The following ZNF154 variants were observed in gnomAD, a reference collection of about 807,000 sequenced individuals.
ZNF154 encodes the protein zinc finger protein 154 (pHZ-92).
Under a neutral mutation model 7.5 loss-of-function variants are expected in ZNF154, and 6 were observed. The observed-to-expected ratio is 0.80, with a 90% CI of 0.44 to 1.57. The LOEUF (loss-of-function observed/expected upper bound fraction) is 1.57, where lower values mean the gene tolerates loss of function less well. ZNF154 is among the 40% of genes most tolerant of loss of function. The pLI, the probability that ZNF154 is intolerant of heterozygous loss-of-function variation, is 0.01. For missense variants in ZNF154, 485 were observed against 531.4 expected (o/e 0.91, Z 0.86); for synonymous variants, 187 against 185.9 (o/e 1.01, Z -0.05).
chr19:57,699,635 C>A lies in ZNF154; in HGVS notation c.*2000G>T. On this transcript the variant is annotated 3_prime_UTR_variant, in exon 3 of 3. Coordinates refer to ENST00000684351, the MANE Select transcript of ZNF154 (RefSeq NM_001085384.3). ...GAGAAGTTGCCTAAGAACTCAATGT[C>A]AACCATTCCACGGCTGTTCAGCATT... 5.7e-6 allele frequency: 1 copy of A among 176,416 alleles called. No individual in the cohort carries two copies. Among genetic ancestry groups the A allele is most frequent in the South Asian group, 1.2e-4 (1 of 8,260 alleles). 10.9% of individuals were successfully genotyped at this position (176,416 alleles called of 1,614,324 possible).
At chr19:57,707,112 TC>T (rs1985424579) in intron 1 of ZNF154, among the ~76,000 whole-genome samples, 1 of 66,554 alleles carries the variant, frequency 1.5e-5, no homozygotes, top group African/African-American at 9.3e-5. Context: ...ACACTCCATC[TC>T]AAAAAAAAAA....
chr19:57,708,794 C>T (rs984056191), intron 1 of ZNF154, 145 bp downstream of exon 1: 18 of 1,078,662 alleles, frequency 1.7e-5, no homozygotes, highest in Admixed American at 1.6e-4. Context: ...CCTCGTCACA[C>T]GCAGTGTCAA....
chr19:57,708,938 C>G lies in ZNF154; in HGVS notation c.33+1G>C. 4 of 1,561,098 alleles carry G rather than the reference C, an allele frequency of 2.6e-6. No individual in the cohort carries two copies. The highest frequency in any genetic ancestry group is 3.5e-6 in the Non-Finnish European group (4 of 1,153,146). On this transcript the variant is annotated splice_donor_variant, in intron 1 of 2. Coordinates refer to ENST00000684351, the MANE Select transcript of ZNF154 (RefSeq NM_001085384.3). LOFTEE classifies it high-confidence loss of function. ...TGAGGACGGGAAGACGCCGCACTCA[C>G]CTGAGTTGGCGTCCTCAGAGTGGCC...
rs1342960265 is a variant in ZNF154 at position 57,701,727 on chromosome 19, T to C, written c.1222A>G (p.Thr408Ala). ...SGLIKHRRVH[T>A]GEKPYECTEC... ...GTGCACTCATAAGGCTTCTCCCCAGTGTGAACCCTCCTGTGCTTAATGAGG... is the reference window on the plus strand; with the variant it reads ...GTGCACTCATAAGGCTTCTCCCCAGCGTGAACCCTCCTGTGCTTAATGAGG... The change falls in exon 3 of 3, where the codon ACT becomes GCT. Residue 408 changes from threonine (T) to alanine (A), a missense_variant. Coordinates refer to ENST00000684351, the MANE Select transcript of ZNF154 (RefSeq NM_001085384.3). 6.8e-6 allele frequency: 11 copies of C among 1,614,060 alleles called. No homozygotes were observed. Among genetic ancestry groups the C allele is most frequent in the Non-Finnish European group, 9.3e-6 (11 of 1,180,016 alleles).
At chr19:57,706,169 A>G (rs1164114068) in intron 1 of ZNF154, among the ~76,000 whole-genome samples, 1 of 152,200 alleles carries the variant, frequency 6.6e-6, no homozygotes, top group African/African-American at 2.4e-5. Context: ...CACAGCGTCC[A>G]GAGTATGCTC....
In ZNF154 at chr19:57,701,663, A is replaced by G; in HGVS notation, c.1286T>C (p.Ile429Thr). 1.2e-6 allele frequency: 2 copies of G among 1,612,848 alleles called. No individual in the cohort carries two copies. Among genetic ancestry groups the G allele is most frequent in the East Asian group, 2.2e-5 (1 of 44,842 alleles). Residue 429 changes from isoleucine (I) to threonine (T), a missense_variant, in exon 3 of 3, where the codon ATT (isoleucine) becomes ACT (threonine). Coordinates refer to ENST00000684351, the MANE Select transcript of ZNF154 (RefSeq NM_001085384.3). ...TCGACTATGAATTCTCTGATGTTTAATAAGGCTGGAGTTATGGCTAAAGGA... is the reference window on the plus strand; with the variant it reads ...TCGACTATGAATTCTCTGATGTTTAGTAAGGCTGGAGTTATGGCTAAAGGA... ...GKSFSHNSSL[I>T]KHQRIHSR is the part of the protein sequence containing the mutation.
In ZNF154 at chr19:57,701,653, C is replaced by T; in HGVS notation, c.1296G>A (p.Gln432=). 1 of 1,612,422 alleles carries T rather than the reference C, an allele frequency of 6.2e-7. No homozygotes were observed. Among genetic ancestry groups the T allele is most frequent in the Non-Finnish European group, 8.5e-7 (1 of 1,178,534 alleles). The stretch of plus-strand genomic sequence containing the variant: ...AAGGCTTTTATCGACTATGAATTCT[C>T]TGATGTTTAATAAGGCTGGAGTTAT... ...FSHNSSLIKH[Q]RIHSR The change falls in exon 3 of 3, where the codon CAG becomes CAA. Residue 432 remains glutamine (Q), a synonymous_variant. Coordinates refer to ENST00000684351, the MANE Select transcript of ZNF154 (RefSeq NM_001085384.3).
chr19:57,702,039 T>C lies in ZNF154; in HGVS notation c.910A>G (p.Ser304Gly). 1 of 1,614,034 alleles carries C rather than the reference T, an allele frequency of 6.2e-7. No homozygotes were observed. The highest frequency in any genetic ancestry group is 1.1e-5 in the South Asian group (1 of 91,072). ...TGGCTAAATGACTTCCCACATTCGCTGCACTCATAAGGCCTGGATCCACTG... is the reference window on the plus strand; with the variant it reads ...TGGCTAAATGACTTCCCACATTCGCCGCACTCATAAGGCCTGGATCCACTG... The part of the protein sequence containing the change: ...VHSGSRPYEC[S>G]ECGKSFSQNS... The change falls in exon 3 of 3, where the codon AGC becomes GGC. Residue 304 changes from serine to glycine, a missense_variant. Ser to Gly is a moderately conservative substitution (Grantham distance 56). Transcript: ENST00000684351.
Position 57,709,118 on chromosome 19 carries a change from T to TC in ZNF154, c.-148dup. On this transcript the variant is annotated 5_prime_UTR_variant, in exon 1 of 3. Coordinates refer to ENST00000684351, the MANE Select transcript of ZNF154 (RefSeq NM_001085384.3). Reference sequence around the variant, plus strand: ...GCTTTCGTGCAGGAGGGACGACGACTCCCCTCACGCCTTCGTGGCCCCAAC... The same window carrying TC: ...GCTTTCGTGCAGGAGGGACGACGACTCCCCCTCACGCCTTCGTGGCCCCAAC... The TC allele has an allele frequency of 9.4e-7, 1 of 1,064,754 alleles. No individual in the cohort carries two copies. The highest frequency in any genetic ancestry group is 1.4e-6 in the Non-Finnish European group (1 of 725,664). The allele number at this position is 1,064,754 out of a possible 1,614,324, so 66.0% of individuals were successfully genotyped here. A position where few individuals can be genotyped will look rare whatever the true frequency, so the allele number is the denominator to read the frequency against.
chr19:57,703,223 C>A (rs1220562529), intron 2 of ZNF154, among the ~76,000 whole-genome samples: 1 of 109,698 alleles, frequency 9.1e-6, no homozygotes, highest in Non-Finnish European at 1.9e-5. Flanking sequence ...TGCGGTGGCT[C>A]ACATCTGTAA....
At chr19:57,706,247 A>G (rs192563475) in intron 1 of ZNF154, among the ~76,000 whole-genome samples, 92 of 152,260 alleles carry the variant, frequency 6.0e-4, no homozygotes, top group Non-Finnish European at 5.7e-4. Flanking sequence ...AGCAGCCCCA[A>G]ATCCTATGAG....
rs761297822 is a variant in ZNF154 at position 57,702,234 on chromosome 19, G to A, written c.715C>T (p.His239Tyr). ...CACTCATATGGCCTTTCCCCAGTGT[G>A]AACTCTCCGATGTTTAATGAGGTTA... ...KSNLIKHRRVHTGERPYECSE... is the reference protein window; with the variant it reads ...KSNLIKHRRVYTGERPYECSE... The change falls in exon 3 of 3, where the codon CAC becomes TAC. Residue 239 changes from histidine (H) to tyrosine (Y), a missense_variant. His to Tyr is a moderately conservative substitution (Grantham distance 83). Transcript: ENST00000684351. 3.1e-6 allele frequency: 5 copies of A among 1,614,106 alleles called. No homozygotes were observed. In the East Asian group the frequency reaches 1.1e-4, roughly 36 times the overall value.
chr19:57,707,694 C>A lies in ZNF154; in HGVS notation c.33+1245G>T, dbSNP rs934801713. 2.6e-5 allele frequency among the ~76,000 whole-genome samples: 4 copies of A among 152,176 alleles called. No individual in the cohort carries two copies. The South Asian group carries it at 8.3e-4, about 32-fold the overall frequency. On this transcript the variant is annotated intron_variant, in intron 1 of 2. Coordinates refer to ENST00000684351, the MANE Select transcript of ZNF154 (RefSeq NM_001085384.3). Reference sequence around the variant, plus strand: ...AGCCACTGCAGTCCTGACTCCTTCCCCCTGCTCTTTGTTCCCAGCTAAAAG... The same window carrying A: ...AGCCACTGCAGTCCTGACTCCTTCCACCTGCTCTTTGTTCCCAGCTAAAAG...
rs1600027875 is a variant in ZNF154, at chr19:57,696,541, A to G, written c.*5094T>C. 2.0e-5 allele frequency among the ~76,000 whole-genome samples: 3 copies of G among 152,266 alleles called. No homozygotes were observed. The South Asian group carries it at 6.2e-4, about 32-fold the overall frequency. On this transcript the variant is annotated 3_prime_UTR_variant, in exon 3 of 3. Coordinates refer to ENST00000684351, the MANE Select transcript of ZNF154 (RefSeq NM_001085384.3). The stretch of plus-strand genomic sequence containing the variant: ...GATGCTGGGCAGTGGCAGAGGAGGG[A>G]TTAAACCCAGGCAGCAGAGGGAGCA...
At chr19:57,708,003 T>C (rs532354303) in intron 1 of ZNF154, among the ~76,000 whole-genome samples, 12 of 152,166 alleles carry the variant, frequency 7.9e-5, no homozygotes, top group African/African-American at 2.9e-4. Context: ...CCGAACACTC[T>C]CCACTTCCCT....
chr19:57,708,936 C>T lies in ZNF154; in HGVS notation c.33+3G>A, dbSNP rs1487213916. 12 of 1,561,196 alleles carry T rather than the reference C, an allele frequency of 7.7e-6. No individual in the cohort carries two copies. The highest frequency in any genetic ancestry group is 9.5e-6 in the Non-Finnish European group (11 of 1,153,174). On this transcript the variant is annotated splice_donor_region_variant and intron_variant, in intron 1 of 2. Transcript: ENST00000684351. ...TGTGAGGACGGGAAGACGCCGCACT[C>T]ACCTGAGTTGGCGTCCTCAGAGTGG...
rs775751383 is a variant in ZNF154, at chr19:57,702,456, C to G, written c.493G>C (p.Glu165Gln). The part of the protein sequence containing the change: ...LTTERCYICS[E>Q]CGKSFSKSYS... ...CTTTTGCTAAAGGATTTCCCACATT[C>G]ACTGCATATGTAACATCTTTCTGTA... Residue 165 changes from glutamate (E) to glutamine (Q), a missense_variant, in exon 3 of 3, where the codon GAA becomes CAA. Glu to Gln is a conservative substitution (Grantham distance 29). Transcript: ENST00000684351. The G allele has an allele frequency of 6.2e-7, 1 of 1,614,226 alleles. No homozygotes were observed. The highest frequency in any genetic ancestry group is 8.5e-7 in the Non-Finnish European group (1 of 1,180,032).
intron 1 of ZNF154, among the ~76,000 whole-genome samples, chr19:57,708,306 G>A (rs534556189): frequency 6.6e-5 from 10 of 152,198 alleles, no homozygotes; most frequent in Non-Finnish European, 1.3e-4. Context: ...GGTGGCTCAC[G>A]CCTGTAATCC....
intron 1 of ZNF154, among the ~76,000 whole-genome samples, chr19:57,706,784 C>T (rs1162861834): frequency 3.3e-5 from 5 of 152,224 alleles, no homozygotes; most frequent in Non-Finnish European, 7.3e-5. Flanking sequence ...TCTGCCCTTC[C>T]TGGCCAAATA....
Sources: gnomAD v4.1 joint callset for allele counts (sites outside exome capture counted in the v4.1 genomes callset) on GRCh38, gnomAD v4.1.1 for gene constraint, MANE v1.5 for transcripts, NCBI Gene and HGNC (gene_info 2026-07-23, HGNC 2026-07-21) for gene names.